The following GRM5 variants were observed in gnomAD, a reference collection of about 807,000 sequenced individuals.
The protein encoded by GRM5 is glutamate metabotropic receptor 5.
In GRM5, 19 loss-of-function variants were observed where a neutral mutation model predicts 83.1. The ratio of observed to expected loss-of-function variants is 0.23; its 90% CI spans 0.16 to 0.34. The LOEUF is 0.34. GRM5 is among the 10% of genes least tolerant of loss of function. The probability of loss-of-function intolerance (pLI) is 1.00; values close to 1 mark genes in which losing one functional copy is unlikely to be tolerated. For synonymous variants in GRM5, 675 were observed against 633.6 expected (o/e 1.07, Z -0.98); for missense variants, 1,160 against 1,588.3 (o/e 0.73, Z 4.58).
chr11:88,967,799 T>C (rs1315661420), intron 2 of GRM5, among the ~76,000 whole-genome samples: 2 of 152,072 alleles, frequency 1.3e-5, no homozygotes, highest in East Asian at 1.9e-4. Context: ...GGGCCATTTG[T>C]CTGAGGCTAG....
intron 2 of GRM5, among the ~76,000 whole-genome samples, chr11:88,880,678 G>C (rs1426854848): frequency 6.6e-6 from 1 of 152,132 alleles, no homozygotes; most frequent in East Asian, 1.9e-4. Flanking sequence ...ATCATGACAA[G>C]ACATGTGGCT....
chr11:88,558,691 C>G (rs1228299947), intron 8 of GRM5, among the ~76,000 whole-genome samples: 2 of 148,454 alleles, frequency 1.3e-5, no homozygotes, highest in African/African-American at 5.0e-5. Flanking sequence ...AGTCCCACAA[C>G]TTGGGAGGCT....
chr11:88,661,751 G>A (rs917789872), intron 3 of GRM5, among the ~76,000 whole-genome samples: 1 of 151,996 alleles, frequency 6.6e-6, no homozygotes, highest in East Asian at 1.9e-4. Context: ...TTTAGATACA[G>A]TCTCAGTATG....
chr11:88,734,728 A>G (rs1050372468), intron 3 of GRM5, among the ~76,000 whole-genome samples: 7 of 152,206 alleles, frequency 4.6e-5, no homozygotes, highest in African/African-American at 1.7e-4. Flanking sequence ...GCTAGTGACA[A>G]AATTCTGTGT....
chr11:88,879,659 G>C (rs1944919145), intron 2 of GRM5, among the ~76,000 whole-genome samples: 4 of 151,742 alleles, frequency 2.6e-5, no homozygotes, highest in African/African-American at 9.7e-5. Flanking sequence ...ATTTATATGA[G>C]CATATTTTTC....
chr11:88,917,563 G>C (rs1227114687), intron 2 of GRM5, among the ~76,000 whole-genome samples: 1 of 152,094 alleles, frequency 6.6e-6, no homozygotes. Context: ...TAGCTGTTTT[G>C]AAGAAACGCA....
chr11:88,681,892 T>G (rs745835453), intron 3 of GRM5, among the ~76,000 whole-genome samples: 6 of 152,004 alleles, frequency 3.9e-5, no homozygotes, highest in Non-Finnish European at 7.4e-5. Context: ...TCATGTTGTA[T>G]ACTCTTTTCT....
At chr11:88,534,497 C>T (rs1165095010) in intron 8 of GRM5, among the ~76,000 whole-genome samples, 1 of 152,178 alleles carries the variant, frequency 6.6e-6, no homozygotes, top group Non-Finnish European at 1.5e-5. Context: ...TTGTTTTGGC[C>T]AATTTCTCCC....
chr11:88,845,655 G>C (rs1944291801), intron 3 of GRM5, among the ~76,000 whole-genome samples: 1 of 151,424 alleles, frequency 6.6e-6, no homozygotes, highest in African/African-American at 2.4e-5. Context: ...GGATGGTCTT[G>C]ATCTCCTGAC....
chr11:88,904,069 A>T (rs576557351), intron 2 of GRM5, among the ~76,000 whole-genome samples: 3 of 152,196 alleles, frequency 2.0e-5, no homozygotes, highest in Non-Finnish European at 2.9e-5. Flanking sequence ...GATTCAGATA[A>T]GTAAGGGTAT....
At chr11:88,586,470 A>G (rs183343861) in intron 7 of GRM5, among the ~76,000 whole-genome samples, 1 of 152,194 alleles carries the variant, frequency 6.6e-6, no homozygotes, top group Non-Finnish European at 1.5e-5. Flanking sequence ...TATTATCACA[A>G]TGAAGGCACT....
At chr11:88,746,259 A>C (rs1942139079) in intron 3 of GRM5, among the ~76,000 whole-genome samples, 1 of 151,716 alleles carries the variant, frequency 6.6e-6, no homozygotes, top group Admixed American at 6.6e-5. Flanking sequence ...TTAATAATAC[A>C]TTTTTTTTGT....
intron 3 of GRM5, among the ~76,000 whole-genome samples, chr11:88,720,855 A>ATT (rs1393205307): frequency 1.4e-5 from 2 of 143,092 alleles, no homozygotes; most frequent in African/African-American, 5.5e-5. Flanking sequence ...CCTGTATTGA[A>ATT]TTTATACTGC....
chr11:88,899,374 A>G (rs779267132), intron 2 of GRM5, among the ~76,000 whole-genome samples: 37 of 150,630 alleles, frequency 2.5e-4, no homozygotes, highest in Non-Finnish European at 4.9e-4. Flanking sequence ...TTTAAAATAA[A>G]ACTTATTTCT....
intron 1 of GRM5, among the ~76,000 whole-genome samples, chr11:89,065,286 TCACACACA>T (rs71046278): frequency 4.1e-5 from 6 of 147,488 alleles, no homozygotes; most frequent in Middle Eastern, 3.5e-3. Flanking sequence ...TGTATTGGCA[TCACACACA>T]CACACACACA....
At chr11:88,997,150 C>A (rs1167877177) in intron 2 of GRM5, among the ~76,000 whole-genome samples, 2 of 151,414 alleles carry the variant, frequency 1.3e-5, no homozygotes, top group Non-Finnish European at 2.9e-5. Flanking sequence ...CATGGAGAAA[C>A]CCCAGCTCTA....
chr11:88,842,593 C>A (rs1944222489), intron 3 of GRM5, among the ~76,000 whole-genome samples: 2 of 152,284 alleles, frequency 1.3e-5, no homozygotes, highest in East Asian at 3.9e-4. Flanking sequence ...GGTGGTCTTG[C>A]CTGTAAATAC....
chr11:88,705,764 T>A (rs940212370), intron 3 of GRM5, among the ~76,000 whole-genome samples: 3 of 152,022 alleles, frequency 2.0e-5, no homozygotes, highest in African/African-American at 7.2e-5. Context: ...CTCTCCTCTA[T>A]GTTTCTCTCC....
intron 3 of GRM5, among the ~76,000 whole-genome samples, chr11:88,843,194 T>C (rs1479591625): frequency 3.9e-5 from 6 of 152,222 alleles, no homozygotes; most frequent in Non-Finnish European, 7.3e-5. Flanking sequence ...GTAATTTTGT[T>C]AATTCTCACA....
Sources: gnomAD v4.1 joint callset for allele counts (sites outside exome capture counted in the v4.1 genomes callset) on GRCh38, gnomAD v4.1.1 for gene constraint, MANE v1.5 for transcripts, NCBI Gene and HGNC (gene_info 2026-07-23, HGNC 2026-07-21) for gene names.